Variants in SPON1 observed in about 807,000 individuals in gnomAD.
SPON1 encodes spondin 1.
Under a neutral mutation model 111.7 loss-of-function variants are expected in SPON1, and 52 were observed. That is an observed-to-expected ratio of 0.47 (90% CI 0.37 to 0.59). The LOEUF is 0.59. Among genes scored for constraint, SPON1 ranks in the 20% least tolerant of loss-of-function variants. SPON1 has a pLI of 0.00. For synonymous variants in SPON1, 410 were observed against 395.8 expected (o/e 1.04, Z -0.43); for missense variants, 957 against 1,068.5 (o/e 0.90, Z 1.46).
intron 6 of SPON1, among the ~76,000 whole-genome samples, chr11:14,237,154 A>G (rs2133915444): frequency 6.6e-6 from 1 of 152,296 alleles, no homozygotes; most frequent in South Asian, 2.1e-4. Flanking sequence ...GCTACTCATC[A>G]CCAGAACACT....
At chr11:13,971,305 C>T (rs1554908570) in intron 1 of SPON1, among the ~76,000 whole-genome samples, 1 of 152,144 alleles carries the variant, frequency 6.6e-6, no homozygotes, top group Non-Finnish European at 1.5e-5. Context: ...AAAAGCAGAG[C>T]AACAGCAGGC....
chr11:14,042,653 T>C (rs1333873450), intron 3 of SPON1, among the ~76,000 whole-genome samples: 1 of 152,192 alleles, frequency 6.6e-6, no homozygotes. Flanking sequence ...CTTTCTCTTT[T>C]TTAAATCCTC....
chr11:14,095,985 G>T (rs1369073804), intron 5 of SPON1, among the ~76,000 whole-genome samples: 1 of 152,206 alleles, frequency 6.6e-6, no homozygotes, highest in African/African-American at 2.4e-5. Context: ...GCTATGATGG[G>T]ACAGGAGACA....
intron 6 of SPON1, among the ~76,000 whole-genome samples, chr11:14,196,924 C>T (rs1016131172): frequency 6.6e-6 from 1 of 152,140 alleles, no homozygotes; most frequent in African/African-American, 2.4e-5. Context: ...GTGGTGCATG[C>T]CTTTAGTCCC....
chr11:14,038,136 A>AGCC (rs1358240864), intron 2 of SPON1, among the ~76,000 whole-genome samples: 1 of 151,894 alleles, frequency 6.6e-6, no homozygotes, highest in Non-Finnish European at 1.5e-5. Flanking sequence ...ACTGCACTCC[A>AGCC]GCCTGGGTGA....
intron 5 of SPON1, among the ~76,000 whole-genome samples, chr11:14,096,188 T>A (rs1554923861): frequency 6.6e-6 from 1 of 152,204 alleles, no homozygotes; most frequent in African/African-American, 2.4e-5. Flanking sequence ...TGACAACCAG[T>A]CACTCATGTA....
intron 5 of SPON1, among the ~76,000 whole-genome samples, chr11:14,128,171 A>T (rs1021952219): frequency 6.6e-6 from 1 of 152,168 alleles, no homozygotes; most frequent in Non-Finnish European, 1.5e-5. Context: ...AGTCCCCCAA[A>T]GTCTCAACTC....
intron 7 of SPON1, among the ~76,000 whole-genome samples, chr11:14,244,731 G>A (rs886156810): frequency 6.6e-6 from 1 of 152,186 alleles, no homozygotes; most frequent in Non-Finnish European, 1.5e-5. Flanking sequence ...TAGGTGATGG[G>A]AATAAGACTC....
intron 3 of SPON1, among the ~76,000 whole-genome samples, chr11:14,072,027 T>C (rs1848881138): frequency 6.6e-6 from 1 of 152,158 alleles, no homozygotes; most frequent in Non-Finnish European, 1.5e-5. Flanking sequence ...CTGCAGAATA[T>C]TGATGTGTTT....
intron 5 of SPON1, among the ~76,000 whole-genome samples, chr11:14,119,479 C>T (rs781928064): frequency 3.9e-5 from 6 of 152,190 alleles, no homozygotes; most frequent in Non-Finnish European, 7.3e-5. Context: ...CAGGCACTTG[C>T]TTGCTGGCTA....
At chr11:14,133,282 C>T (rs1250319110) in intron 5 of SPON1, among the ~76,000 whole-genome samples, 1 of 152,240 alleles carries the variant, frequency 6.6e-6, no homozygotes, top group East Asian at 1.9e-4. Flanking sequence ...GAAACATATA[C>T]TGAGCACTAA....
At chr11:14,028,270 C>T (rs1848533578) in intron 2 of SPON1, among the ~76,000 whole-genome samples, 1 of 151,884 alleles carries the variant, frequency 6.6e-6, no homozygotes, top group South Asian at 2.1e-4. Context: ...TTGCTTGAAC[C>T]CAGGAGTTTG....
intron 15 of SPON1, among the ~76,000 whole-genome samples, chr11:14,263,828 A>G (rs887215812): frequency 6.6e-6 from 1 of 152,142 alleles, no homozygotes; most frequent in Non-Finnish European, 1.5e-5. Context: ...CAGGAGTTTG[A>G]GACCAGCCTG....
At chr11:14,005,644 T>C (rs1290311881) in intron 2 of SPON1, among the ~76,000 whole-genome samples, 1 of 152,238 alleles carries the variant, frequency 6.6e-6, no homozygotes, top group Non-Finnish European at 1.5e-5. Flanking sequence ...AACCTTTGTT[T>C]CTCTGTCTGA....
intron 6 of SPON1, among the ~76,000 whole-genome samples, chr11:14,201,484 A>G (rs1848463421): frequency 6.6e-6 from 1 of 151,596 alleles, no homozygotes; most frequent in African/African-American, 2.4e-5. Context: ...GTGCAGCCTC[A>G]ACCTCCCGGG....
At chr11:13,995,733 T>C (rs1210280577) in intron 2 of SPON1, among the ~76,000 whole-genome samples, 1 of 152,162 alleles carries the variant, frequency 6.6e-6, no homozygotes, top group East Asian at 1.9e-4. Flanking sequence ...TGTACACTGG[T>C]GGATCACAGA....
chr11:14,190,141 C>T (rs1848329454), intron 6 of SPON1, among the ~76,000 whole-genome samples: 1 of 152,090 alleles, frequency 6.6e-6, no homozygotes, highest in South Asian at 2.1e-4. Flanking sequence ...ACATCTGGAC[C>T]CAGGGGAGAC....
At chr11:14,003,946 C>T (rs117173824) in intron 2 of SPON1, among the ~76,000 whole-genome samples, 6 of 152,210 alleles carry the variant, frequency 3.9e-5, no homozygotes, top group Non-Finnish European at 8.8e-5. Flanking sequence ...TTCTCTACCC[C>T]CTTTGATAAT....
intron 6 of SPON1, among the ~76,000 whole-genome samples, chr11:14,139,583 T>G (rs1847628771): frequency 1.3e-5 from 2 of 152,140 alleles, no homozygotes; most frequent in Non-Finnish European, 2.9e-5. Context: ...ACTTATTAGT[T>G]TATTCATTTG....
Sources: allele counts gnomAD v4.1 joint callset (sites outside exome capture counted in the v4.1 genomes callset), GRCh38; gene constraint gnomAD v4.1.1; transcripts MANE v1.5; gene names NCBI Gene and HGNC (gene_info 2026-07-23, HGNC 2026-07-21).